The following HEYL variants were observed in gnomAD, a reference collection of about 807,000 sequenced individuals.
HEYL encodes the protein hes related family bHLH transcription factor with YRPW motif like.
In HEYL, 12 loss-of-function variants were observed where a neutral mutation model predicts 18.6. The ratio of observed to expected loss-of-function variants is 0.65; its 90% CI spans 0.41 to 1.05. The LOEUF is 1.05. Ranked by LOEUF, HEYL falls within the 50% of genes least tolerant of loss-of-function variation. The pLI, the probability that HEYL is intolerant of heterozygous loss-of-function variation, is 0.00. For missense variants in HEYL, 420 were observed against 444.7 expected, an observed-to-expected ratio of 0.94 and a Z score of 0.50; for synonymous variants, 159 against 179.6, an observed-to-expected ratio of 0.89 and a Z score of 0.91.
In HEYL at chr1:39,630,852, G is replaced by A. The variant is rs907450316; in HGVS notation, c.232-544C>T. Among the ~76,000 whole-genome samples, 3 of 152,222 alleles carry A rather than the reference G, an allele frequency of 2.0e-5. No homozygotes were observed. The South Asian group carries it at 6.2e-4, about 31-fold the overall frequency. ...TCCAGGTGAAGCCTGAAGATCAGAG[G>A]CTCCATGGGAGTCCCTTGAGGGCAG... On this transcript the variant is annotated intron_variant, in intron 3 of 4. Coordinates refer to ENST00000372852, the MANE Select transcript of HEYL (RefSeq NM_014571.4).
In HEYL at chr1:39,626,372, G is replaced by A. The variant is rs528479111; in HGVS notation, c.*135C>T. 1.8e-5 allele frequency: 13 copies of A among 710,892 alleles called. No homozygotes were observed. Among genetic ancestry groups the A allele is most frequent in the African/African-American group, 5.4e-5 (3 of 55,122 alleles). 44.0% of individuals were successfully genotyped at this position (710,892 alleles called of 1,614,324 possible). A position where few individuals can be genotyped will look rare whatever the true frequency, so the allele number is the denominator to read the frequency against. On this transcript the variant is annotated 3_prime_UTR_variant, in exon 5 of 5. Coordinates refer to ENST00000372852, the MANE Select transcript of HEYL (RefSeq NM_014571.4). ...GAGAGATGGGTTGGAGGAGGAGGGG[G>A]CCTCTGATGGCTGGAGAACGTGCCT...
chr1:39,626,745 G>T lies in HEYL; in HGVS notation c.749C>A (p.Pro250His). ...CACAGGGGTCGCTGGCCTCTCTAGG[G>T]GGCGGGCCCTCCGGGTGGAAGATGC... ...RGASSTRRARPLERPATPVPV... is the reference protein window; with the variant it reads ...RGASSTRRARHLERPATPVPV... The change falls in exon 5 of 5, where the codon CCC (proline) becomes CAC (histidine). Residue 250 changes from proline to histidine, a missense_variant. Physicochemically the swap from Pro to His is moderately conservative, Grantham distance 77. Transcript: ENST00000372852. 6.6e-7 allele frequency: 1 copy of T among 1,524,932 alleles called. No homozygotes were observed. Among genetic ancestry groups the T allele is most frequent in the Non-Finnish European group, 8.8e-7 (1 of 1,131,922 alleles). The allele number at this position is 1,524,932 out of a possible 1,614,324, so 94.5% of individuals were successfully genotyped here.
chr1:39,632,546 C>T, intron 2 of HEYL, 103 bp downstream of exon 2: 2 of 1,031,728 alleles, frequency 1.9e-6, no homozygotes, highest in Non-Finnish European at 2.9e-6. Context: ...AAGCAGTTAG[C>T]TTCATGGTGA....
chr1:39,626,841 C>G lies in HEYL; in HGVS notation c.653G>C (p.Arg218Pro). The G allele has an allele frequency of 6.3e-7, 1 of 1,576,752 alleles. No homozygotes were observed. The highest frequency in any genetic ancestry group is 8.6e-7 in the Non-Finnish European group (1 of 1,160,934). The stretch of plus-strand genomic sequence containing the variant: ...TGTGGCTCTGCGAAGGGGAGCGGTT[C>G]GGAGGGCTGGGATGGGGTAAGCAGG... ...SSPAYPIPAL[R>P]TAPLRRATGI... The change falls in exon 5 of 5, where the codon CGA (arginine) becomes CCA (proline). Residue 218 changes from arginine to proline, a missense_variant. By Grantham distance (103) the Arg-to-Pro change is moderately radical. Coordinates refer to ENST00000372852, the MANE Select transcript of HEYL (RefSeq NM_014571.4).
Position 39,639,503 on chromosome 1 carries a change from C to T in HEYL, c.80+43G>A. 2.7e-6 allele frequency: 4 copies of T among 1,507,788 alleles called. No individual in the cohort carries two copies. In the South Asian group the frequency reaches 4.8e-5, roughly 18 times the overall value. The allele number at this position is 1,507,788 out of a possible 1,614,324, so 93.4% of individuals were successfully genotyped here. A position where few individuals can be genotyped will look rare whatever the true frequency, so the allele number is the denominator to read the frequency against. On this transcript the variant is annotated intron_variant, in intron 1 of 4. Coordinates refer to ENST00000372852, the MANE Select transcript of HEYL (RefSeq NM_014571.4). ...GAGCCCGTCGGGCCGACCCCCACCC[C>T]GCTCGCCCTCCGCCTGCTCGGTCCC...
chr1:39,630,557 CACT>C (rs1198615200), intron 3 of HEYL, among the ~76,000 whole-genome samples: 13 of 152,304 alleles, frequency 8.5e-5, no homozygotes, highest in Middle Eastern at 6.8e-3. Context: ...TGCACGACAC[CACT>C]GTTTCTGGGC....
At position 39,626,986 on chromosome 1, in the gene HEYL, AAGG is replaced by A; in HGVS notation, c.505_507del (p.Pro169del). The A allele has an allele frequency of 6.2e-7, 1 of 1,614,020 alleles. No individual in the cohort carries two copies. Among genetic ancestry groups the A allele is most frequent in the Non-Finnish European group, 8.5e-7 (1 of 1,179,998 alleles). ...GACCAGGGCCAGGCAGGGAAGGCCA[AAGG>A]GCCAGTGGGCGTGGGCGAAGGCTCC... On this transcript the variant is annotated inframe_deletion, in exon 5 of 5. Coordinates refer to ENST00000372852, the MANE Select transcript of HEYL (RefSeq NM_014571.4).
Position 39,623,653 on chromosome 1 carries a change from C to T in HEYL, c.*2854G>A, listed in dbSNP as rs549035554. ...GAACAGAGGCCTTGTGATAGAGGAA[C>T]TCCACAAGTAAAGTAGTCGAGGAAG... is the stretch of plus-strand genomic sequence containing the variant. On this transcript the variant is annotated 3_prime_UTR_variant, in exon 5 of 5. Transcript: ENST00000372852. Among the ~76,000 whole-genome samples, 16 of 152,330 alleles carry T rather than the reference C, an allele frequency of 1.1e-4. No individual in the cohort carries two copies. Among genetic ancestry groups the T allele is most frequent in the Admixed American group, 1.3e-4 (2 of 15,304 alleles).
chr1:39,631,710 T>G, intron 2 of HEYL, 131 bp from the exon 3 acceptor site: 1 of 728,994 alleles, frequency 1.4e-6, no homozygotes, highest in Non-Finnish European at 2.4e-6. Context: ...TACTTTATGG[T>G]GGAGAAAACC....
Position 39,626,998 on chromosome 1 carries a change from G to T in HEYL, c.496C>A (p.Pro166Thr), listed in dbSNP as rs768586554. The change falls in exon 5 of 5, where the codon CCC becomes ACC. Residue 166 changes from proline (P) to threonine (T), a missense_variant. Transcript: ENST00000372852. ...YAAEMEPSPTPTGPLAFPAWP... is the reference protein window; with the variant it reads ...YAAEMEPSPTTTGPLAFPAWP... ...GCAGGGAAGGCCAAAGGGCCAGTGG[G>T]CGTGGGCGAAGGCTCCATCTCGGCT... is the stretch of plus-strand genomic sequence containing the variant. 1.9e-6 allele frequency: 3 copies of T among 1,614,174 alleles called. No homozygotes were observed. The highest frequency in any genetic ancestry group is 2.5e-6 in the Non-Finnish European group (3 of 1,179,998).
At chr1:39,637,601 G>T (rs1282991639) in intron 1 of HEYL, among the ~76,000 whole-genome samples, 3 of 152,208 alleles carry the variant, frequency 2.0e-5, no homozygotes, top group Non-Finnish European at 2.9e-5. Flanking sequence ...GTGCTACAAA[G>T]GGGCATCTAT....
rs548817491 is a variant in HEYL, at chr1:39,626,266, A to G, written c.*241T>C. On this transcript the variant is annotated 3_prime_UTR_variant, in exon 5 of 5. Transcript: ENST00000372852. ...GGTCTCTCCCAGGACTCATCTGTTC[A>G]GGTGAGAAATGGAACCAAGCCTCTG... The G allele has an allele frequency of 8.3e-5, 42 of 508,176 alleles. No homozygotes were observed. The Middle Eastern group carries it at 2.0e-3, about 24-fold the overall frequency. The allele number at this position is 508,176 out of a possible 1,614,324, so 31.5% of individuals were successfully genotyped here.
In HEYL at chr1:39,632,689, G is replaced by C. The variant is rs1047847742; in HGVS notation, c.107C>G (p.Pro36Arg). 8.7e-6 allele frequency: 14 copies of C among 1,613,904 alleles called. No individual in the cohort carries two copies. Among genetic ancestry groups the C allele is most frequent in the Non-Finnish European group, 1.1e-5 (13 of 1,179,932 alleles). ...CCTGGCTTGCATCTGCGAAGAGCTG[G>C]GGGTGGACAGCGGCCTGGCCATCTG... ...LSQMARPLST[P>R]SSSQMQARKK... Residue 36 changes from proline to arginine, a missense_variant, in exon 2 of 5, where the codon CCC becomes CGC. Transcript: ENST00000372852.
intron 2 of HEYL, among the ~76,000 whole-genome samples, chr1:39,631,928 T>C (rs1041901212): frequency 7.9e-5 from 12 of 152,064 alleles, no homozygotes; most frequent in African/African-American, 2.9e-4. Flanking sequence ...GCCAGGAGGG[T>C]GACCCCGTCA....
intron 4 of HEYL, among the ~76,000 whole-genome samples, chr1:39,628,197 G>A (rs1428283391): frequency 6.6e-6 from 1 of 152,198 alleles, no homozygotes; most frequent in East Asian, 1.9e-4. Flanking sequence ...GTCAACTTGT[G>A]GGTGAGAACC....
chr1:39,635,393 A>G (rs1646357167), intron 1 of HEYL, among the ~76,000 whole-genome samples: 1 of 152,196 alleles, frequency 6.6e-6, no homozygotes, highest in African/African-American at 2.4e-5. Context: ...TTAGCCTTGC[A>G]CACGTCACTG....
chr1:39,627,659 C>T (rs72663567), intron 4 of HEYL, among the ~76,000 whole-genome samples: 7,486 of 152,174 alleles, frequency 0.049, 235 homozygotes, highest in South Asian at 0.1. Context: ...AGTGTGAGGT[C>T]GTCGGAAGCC....
At chr1:39,632,773 G>A (rs996382225) in intron 1 of HEYL, 58 bp from the exon 2 acceptor site, 124 of 1,602,010 alleles carry the variant, frequency 7.7e-5, no homozygotes, top group Non-Finnish European at 9.5e-5. Flanking sequence ...CCCCGGCCTG[G>A]GCCGACCTCG....
chr1:39,629,250 TC>T (rs1646319044), intron 4 of HEYL, among the ~76,000 whole-genome samples: 1 of 152,272 alleles, frequency 6.6e-6, no homozygotes, highest in African/African-American at 2.4e-5. Context: ...TCACTACTTT[TC>T]TTTTCACTGG....
Sources: gnomAD v4.1 joint callset for allele counts (sites outside exome capture counted in the v4.1 genomes callset) on GRCh38, gnomAD v4.1.1 for gene constraint, MANE v1.5 for transcripts, NCBI Gene and HGNC (gene_info 2026-07-23, HGNC 2026-07-21) for gene names.